The following CHST13 variants were observed in gnomAD, a reference collection of about 807,000 sequenced individuals.
The protein encoded by CHST13 is carbohydrate sulfotransferase 13.
A neutral mutation model predicts 7.0 loss-of-function variants in CHST13; 1 was observed. That is an observed-to-expected ratio of 0.14 (90% CI 0.05 to 0.68). The LOEUF (loss-of-function observed/expected upper bound fraction) is 0.68, where lower values mean the gene tolerates loss of function less well. CHST13 is among the 30% of genes least tolerant of loss of function. The pLI, the probability that CHST13 is intolerant of heterozygous loss-of-function variation, is 0.82. For synonymous variants in CHST13, 257 were observed against 240.9 expected, an observed-to-expected ratio of 1.07 and a Z score of -0.62; for missense variants, 572 against 507.9, an observed-to-expected ratio of 1.13 and a Z score of -1.21.
intron 1 of CHST13, among the ~76,000 whole-genome samples, chr3:126,532,032 G>A (rs114534721): frequency 0.014 from 2,194 of 152,256 alleles, 44 homozygotes; most frequent in African/African-American, 0.048. Flanking sequence ...GTGATGTTGC[G>A]CACCTTTTCA....
intron 2 of CHST13, among the ~76,000 whole-genome samples, chr3:126,539,340 G>A (rs964153647): frequency 5.3e-5 from 8 of 152,002 alleles, no homozygotes; most frequent in African/African-American, 7.3e-5. Flanking sequence ...GCCCTGTTCT[G>A]CACTTTGGTT....
chr3:126,542,020 C>G lies in CHST13; in HGVS notation c.468C>G (p.Ser156Arg). 2.6e-6 allele frequency: 4 copies of G among 1,567,716 alleles called. No individual in the cohort carries two copies. The East Asian group carries it at 9.4e-5, about 37-fold the overall frequency. The change falls in exon 3 of 3, where the codon AGC becomes AGG. Residue 156 changes from serine (S) to arginine (R), a missense_variant. By Grantham distance (110) the Ser-to-Arg change is moderately radical. Coordinates refer to ENST00000319340, the MANE Select transcript of CHST13 (RefSeq NM_152889.3). Reference sequence around the variant, plus strand: ...GCCTGCCCTCACTGGCCGACTTCAGCCCCGCCGAGATCAACCGGCGCCTGC... The same window carrying G: ...GCCTGCCCTCACTGGCCGACTTCAGGCCCGCCGAGATCAACCGGCGCCTGC... ...PGRLPSLADF[S>R]PAEINRRLRA...
intron 1 of CHST13, among the ~76,000 whole-genome samples, chr3:126,524,916 G>C (rs917702445): frequency 6.6e-6 from 1 of 152,268 alleles, no homozygotes; most frequent in South Asian, 2.1e-4. Context: ...ACTGGGTAGG[G>C]CTTGGGACTC....
At chr3:126,526,963 A>C (rs1203350914) in intron 1 of CHST13, 1 of 152,222 alleles carries the variant, frequency 6.6e-6, no homozygotes, top group Non-Finnish European at 1.5e-5. Flanking sequence ...GTACTGGGAG[A>C]CAGTGGGGAA....
At chr3:126,536,170 G>C (rs1936785792) in intron 1 of CHST13, 101 bp from the exon 2 acceptor site, 6 of 903,964 alleles carry the variant, frequency 6.6e-6, no homozygotes, top group Middle Eastern at 2.2e-4. Context: ...GAAATTGAGT[G>C]CCAGAGGTGG....
At position 126,524,375 on chromosome 3, in the gene CHST13, T is replaced by A. The variant is rs1301836382; in HGVS notation, c.43T>A (p.Cys15Ser). The A allele has an allele frequency of 2.3e-5, 28 of 1,235,382 alleles. No homozygotes were observed. Among genetic ancestry groups the A allele is most frequent in the Non-Finnish European group, 2.7e-5 (27 of 989,232 alleles). 76.5% of individuals were successfully genotyped at this position (1,235,382 alleles called of 1,614,324 possible). The change falls in exon 1 of 3, where the codon TGT (cysteine) becomes AGT (serine). Residue 15 changes from cysteine (C) to serine (S), a missense_variant. Cys to Ser is a moderately radical substitution (Grantham distance 112, BLOSUM62 -1). Coordinates refer to ENST00000319340, the MANE Select transcript of CHST13 (RefSeq NM_152889.3). Reference sequence around the variant, plus strand: ...CCGGCGGCGCGTGCTGGCGGCCGCCTGTCTGGGCGCCGCGCTCCTGCTCCT... The same window carrying A: ...CCGGCGGCGCGTGCTGGCGGCCGCCAGTCTGGGCGCCGCGCTCCTGCTCCT... ...CCRRRVLAAA[C>S]LGAALLLLCA...
chr3:126,530,157 G>A (rs1034821484), intron 1 of CHST13, among the ~76,000 whole-genome samples: 7 of 152,210 alleles, frequency 4.6e-5, no homozygotes, highest in Admixed American at 6.5e-5. Flanking sequence ...CAGCCTGCCC[G>A]TCTGCAGGGC....
At chr3:126,539,754 ACTCCACAC>A (rs1936894726) in intron 2 of CHST13, among the ~76,000 whole-genome samples, 4 of 76,448 alleles carry the variant, frequency 5.2e-5, no homozygotes, top group Non-Finnish European at 7.5e-5. Flanking sequence ...CACACCACAC[ACTCCACAC>A]CACACACACA....
At chr3:126,529,170 TGTGCAGAGGAGGATGGTC>T in intron 1 of CHST13, 1 of 559,468 alleles carries the variant, frequency 1.8e-6, no homozygotes, top group Non-Finnish European at 3.1e-6. Flanking sequence ...CTGAGGTGGG[TGTGCAGAGGAGGATGGTC>T]GTGCTTCTGC....
chr3:126,526,602 C>T (rs1300213704), intron 1 of CHST13, among the ~76,000 whole-genome samples: 1 of 152,226 alleles, frequency 6.6e-6, no homozygotes, highest in African/African-American at 2.4e-5. Context: ...TGGCTCAGGC[C>T]TGGGGCTCTT....
At chr3:126,534,584 G>A (rs1238228870) in intron 1 of CHST13, among the ~76,000 whole-genome samples, 2 of 150,670 alleles carry the variant, frequency 1.3e-5, no homozygotes, top group African/African-American at 2.4e-5. Flanking sequence ...GACACACACA[G>A]AGAGCATCTC....
chr3:126,527,741 G>T (rs1936567064), intron 1 of CHST13: 1 of 152,232 alleles, frequency 6.6e-6, no homozygotes, highest in African/African-American at 2.4e-5. Flanking sequence ...AGCCAAATTG[G>T]TAGATGCTCC....
intron 1 of CHST13, among the ~76,000 whole-genome samples, chr3:126,535,387 TAGAC>T (rs1320261756): frequency 8.7e-5 from 7 of 80,684 alleles, no homozygotes; most frequent in Non-Finnish European, 1.5e-4. Context: ...CCCCAGCTGG[TAGAC>T]AGACAGACAG....
At chr3:126,531,088 A>G (rs1936649241) in intron 1 of CHST13, among the ~76,000 whole-genome samples, 1 of 152,278 alleles carries the variant, frequency 6.6e-6, no homozygotes, top group Non-Finnish European at 1.5e-5. Flanking sequence ...TATTCAGCAC[A>G]GACCATATTC....
intron 1 of CHST13, among the ~76,000 whole-genome samples, chr3:126,528,146 C>G (rs1278948128): frequency 2.6e-5 from 4 of 151,358 alleles, no homozygotes; most frequent in African/African-American, 4.9e-5. Context: ...GTGGGTGGGG[C>G]TCTGGGTCCT....
At chr3:126,536,128 A>G (rs1936785117) in intron 1 of CHST13, 143 bp from the exon 2 acceptor site, 1 of 639,826 alleles carries the variant, frequency 1.6e-6, no homozygotes. Context: ...CCACTCCACC[A>G]AGCCCCTAGG....
chr3:126,541,743 C>G lies in CHST13; in HGVS notation c.191C>G (p.Ser64Trp). Residue 64 changes from serine (S) to tryptophan (W), a missense_variant, in exon 3 of 3, where the codon TCG (serine) becomes TGG (tryptophan). By Grantham distance (177) the Ser-to-Trp change is radical (BLOSUM62 -3). Coordinates refer to ENST00000319340, the MANE Select transcript of CHST13 (RefSeq NM_152889.3). ...TCCTGTCGCCCACAGGACCCGCGCTCGACCCTGGCGAAGGTGCACCGGCAG... is the reference window on the plus strand; with the variant it reads ...TCCTGTCGCCCACAGGACCCGCGCTGGACCCTGGCGAAGGTGCACCGGCAG... Reference protein sequence around the residue: ...KLYDLDQDPRSTLAKVHRQRR... With the variant: ...KLYDLDQDPRWTLAKVHRQRR... The G allele has an allele frequency of 1.3e-6, 2 of 1,484,630 alleles. No individual in the cohort carries two copies. Among genetic ancestry groups the G allele is most frequent in the South Asian group, 1.3e-5 (1 of 75,730 alleles). 92.0% of individuals were successfully genotyped at this position (1,484,630 alleles called of 1,614,324 possible). A position where few individuals can be genotyped will look rare whatever the true frequency, so the allele number is the denominator to read the frequency against.
At chr3:126,541,671 CAG>C (rs1172382440) in intron 2 of CHST13, 60 bp from the exon 3 acceptor site, 3 of 1,356,690 alleles carry the variant, frequency 2.2e-6, no homozygotes, top group Admixed American at 3.5e-5. Context: ...GGGGCAGCGC[CAG>C]AGTCAGGGAG....
chr3:126,535,160 G>A (rs1251590628), intron 1 of CHST13, among the ~76,000 whole-genome samples: 2 of 146,000 alleles, frequency 1.4e-5, no homozygotes, highest in Admixed American at 6.8e-5. Context: ...CCAGCCGGGA[G>A]ACAGACAGCA....
Sources: allele counts gnomAD v4.1 joint callset (sites outside exome capture counted in the v4.1 genomes callset), GRCh38; gene constraint gnomAD v4.1.1; transcripts MANE v1.5; gene names NCBI Gene and HGNC (gene_info 2026-07-23, HGNC 2026-07-21).